Variants in NUBPL observed in about 807,000 individuals in gnomAD.
NUBPL encodes iron-sulfur cluster transfer protein NUBPL.
Under a neutral mutation model 45.7 loss-of-function variants are expected in NUBPL, and 31 were observed. The observed-to-expected ratio is 0.68, with a 90% confidence interval of 0.51 to 0.92. The LOEUF is 0.92. NUBPL is among the 40% of genes least tolerant of loss of function. The pLI, the probability that NUBPL is intolerant of heterozygous loss-of-function variation, is 0.00. For synonymous variants in NUBPL, 144 were observed against 140.9 expected, an observed-to-expected ratio of 1.02 and a Z score of -0.15; for missense variants, 401 against 398.7, an observed-to-expected ratio of 1.01 and a Z score of -0.05.
intron 6 of NUBPL, among the ~76,000 whole-genome samples, chr14:31,739,253 T>TATATATA (rs60492932): frequency 1.4e-5 from 1 of 73,702 alleles, no homozygotes; most frequent in African/African-American, 3.1e-5. Context: ...TATATATATA[T>TATATATA]TTTTTTTTTT....
At chr14:31,812,645 C>T (rs1295525485) in intron 7 of NUBPL, among the ~76,000 whole-genome samples, 1 of 152,220 alleles carries the variant, frequency 6.6e-6, no homozygotes, top group Non-Finnish European at 1.5e-5. Context: ...CCTGCACCCA[C>T]TTTCACACCA....
intron 2 of NUBPL, among the ~76,000 whole-genome samples, chr14:31,563,048 TA>T (rs939903014): frequency 1.3e-4 from 20 of 152,080 alleles, no homozygotes; most frequent in Admixed American, 7.9e-4. Flanking sequence ...ACCATATTGT[TA>T]AAAAAAATTA....
intron 6 of NUBPL, among the ~76,000 whole-genome samples, chr14:31,720,675 A>G (rs1273913538): frequency 1.3e-5 from 2 of 152,200 alleles, no homozygotes; most frequent in African/African-American, 2.4e-5. Context: ...GTGCTGTCCA[A>G]TACAGTAACT....
At chr14:31,812,741 G>A (rs530315675) in intron 7 of NUBPL, among the ~76,000 whole-genome samples, 108 of 152,098 alleles carry the variant, frequency 7.1e-4, no homozygotes, top group Non-Finnish European at 1.2e-3. Flanking sequence ...GCTGCAGACC[G>A]GAGCTGTTCC....
chr14:31,735,188 A>T (rs907424504), intron 6 of NUBPL, among the ~76,000 whole-genome samples: 1 of 151,460 alleles, frequency 6.6e-6, no homozygotes, highest in African/African-American at 2.4e-5. Flanking sequence ...GATGGCAACT[A>T]CTGCTCTAGG....
intron 7 of NUBPL, among the ~76,000 whole-genome samples, chr14:31,809,646 T>C (rs1231443895): frequency 6.6e-6 from 1 of 152,222 alleles, no homozygotes; most frequent in Non-Finnish European, 1.5e-5. Flanking sequence ...AGTTATTTCT[T>C]GCCTTCTGCT....
At chr14:31,640,210 C>T (rs1423339413) in intron 4 of NUBPL, among the ~76,000 whole-genome samples, 1 of 152,166 alleles carries the variant, frequency 6.6e-6, no homozygotes, top group East Asian at 1.9e-4. Context: ...CAGAGCTGTT[C>T]CTATTCGGCC....
chr14:31,665,255 C>T (rs2036378245), intron 4 of NUBPL, among the ~76,000 whole-genome samples: 1 of 151,990 alleles, frequency 6.6e-6, no homozygotes. Flanking sequence ...TATTTCTTGT[C>T]TTCTGCTAGC....
chr14:31,605,722 TTTCTTCTTTCTTCTTC>T (rs1272173001), intron 4 of NUBPL, among the ~76,000 whole-genome samples: 20 of 151,720 alleles, frequency 1.3e-4, no homozygotes, highest in Non-Finnish European at 7.4e-5. Flanking sequence ...TTTCTTCTTC[TTTCTTCTTTCTTCTTC>T]TTCTTCTTCC....
intron 6 of NUBPL, among the ~76,000 whole-genome samples, chr14:31,766,693 A>T (rs1252447307): frequency 3.3e-5 from 5 of 152,190 alleles, no homozygotes; most frequent in African/African-American, 1.2e-4. Context: ...TAAAGTCTCA[A>T]AGTAATCTCT....
At chr14:31,688,158 A>T (rs997949887) in intron 6 of NUBPL, among the ~76,000 whole-genome samples, 3 of 152,360 alleles carry the variant, frequency 2.0e-5, no homozygotes, top group Admixed American at 2.0e-4. Context: ...AAGGTGGAGA[A>T]TTTAATGCCA....
At chr14:31,643,320 T>A (rs939017535) in intron 4 of NUBPL, among the ~76,000 whole-genome samples, 2 of 152,148 alleles carry the variant, frequency 1.3e-5, no homozygotes, top group African/African-American at 4.8e-5. Context: ...TTGAAGTGTG[T>A]TCCTTCCATA....
chr14:31,801,902 C>G (rs745950063), intron 7 of NUBPL, among the ~76,000 whole-genome samples: 2 of 152,160 alleles, frequency 1.3e-5, no homozygotes, highest in African/African-American at 4.8e-5. Flanking sequence ...GAGAGAGAAG[C>G]CACTGTGTAT....
At chr14:31,663,085 G>A (rs144207305) in intron 4 of NUBPL, among the ~76,000 whole-genome samples, 163 of 152,030 alleles carry the variant, frequency 1.1e-3, no homozygotes, top group African/African-American at 3.6e-3. Flanking sequence ...TTTTTGATGG[G>A]GTTGTTTTTT....
chr14:31,641,172 G>T (rs1350486809), intron 4 of NUBPL, among the ~76,000 whole-genome samples: 3 of 152,186 alleles, frequency 2.0e-5, no homozygotes, highest in Middle Eastern at 3.4e-3. Context: ...GGATGGTCTT[G>T]ATCTCTTGAC....
chr14:31,705,354 G>A (rs559776107), intron 6 of NUBPL, among the ~76,000 whole-genome samples: 9 of 152,348 alleles, frequency 5.9e-5, no homozygotes, highest in South Asian at 4.1e-4. Context: ...GGAACCGAGC[G>A]GGTCGCCGGC....
At chr14:31,792,368 CTT>C (rs1330686642) in intron 7 of NUBPL, among the ~76,000 whole-genome samples, 1 of 152,178 alleles carries the variant, frequency 6.6e-6, no homozygotes, top group Admixed American at 6.5e-5. Flanking sequence ...CTTTGGGCCT[CTT>C]TAACTCACAC....
intron 4 of NUBPL, among the ~76,000 whole-genome samples, chr14:31,643,687 CTTAT>C (rs1447951643): frequency 6.6e-6 from 1 of 151,886 alleles, no homozygotes; most frequent in African/African-American, 2.4e-5. Context: ...AGTATTCCCT[CTTAT>C]TTATTTTTTT....
intron 7 of NUBPL, among the ~76,000 whole-genome samples, chr14:31,808,058 A>T (rs1269932841): frequency 6.6e-6 from 1 of 152,182 alleles, no homozygotes. Context: ...AGGTGGCGTG[A>T]TGCCTCCAAC....
Sources: allele counts gnomAD v4.1 joint callset (sites outside exome capture counted in the v4.1 genomes callset), GRCh38; gene constraint gnomAD v4.1.1; transcripts MANE v1.5; gene names NCBI Gene and HGNC (gene_info 2026-07-23, HGNC 2026-07-21).